The following FYB2 variants were observed in gnomAD, a reference collection of about 807,000 sequenced individuals.
The protein encoded by FYB2 is FYN-binding protein 2.
A neutral mutation model predicts 94.1 loss-of-function variants in FYB2; 103 were observed. The observed-to-expected ratio is 1.09, with a 90% CI of 0.93 to 1.29. The LOEUF (loss-of-function observed/expected upper bound fraction) is 1.29, where lower values mean the gene tolerates loss of function less well. Ranked by LOEUF, FYB2 falls within the 50% of genes most tolerant of loss-of-function variation. The pLI is 0.00. For missense variants in FYB2, 896 were observed against 841.5 expected (o/e 1.06, Z -0.80); for synonymous variants, 293 against 287.9 (o/e 1.02, Z -0.18).
chr1:56,802,385 T>C (rs1327144415), intron 1 of FYB2, among the ~76,000 whole-genome samples: 1 of 152,158 alleles, frequency 6.6e-6, no homozygotes, highest in East Asian at 1.9e-4. Context: ...TACCTAACCA[T>C]AAATACAGTG....
chr1:56,787,126 G>A (rs371798054), intron 4 of FYB2, 49 bp downstream of exon 4: 2 of 1,603,620 alleles, frequency 1.2e-6, no homozygotes, highest in Admixed American at 3.3e-5. Context: ...AGTCTAAGTA[G>A]CCTCTGTGGT....
intron 2 of FYB2, among the ~76,000 whole-genome samples, chr1:56,791,170 CATTCAACAA>C (rs1417553447): frequency 2.6e-5 from 4 of 152,018 alleles, no homozygotes; most frequent in Non-Finnish European, 5.9e-5. Context: ...TTTAATCAAT[CATTCAACAA>C]ATTTTTTTTT....
At chr1:56,736,871 C>A (rs1644841178) in intron 15 of FYB2, among the ~76,000 whole-genome samples, 1 of 152,030 alleles carries the variant, frequency 6.6e-6, no homozygotes, top group South Asian at 2.1e-4. Flanking sequence ...AAAACAGAAA[C>A]AAACTCAAAA....
chr1:56,787,485 C>A (rs536132799), intron 3 of FYB2, among the ~76,000 whole-genome samples: 1 of 152,356 alleles, frequency 6.6e-6, no homozygotes, highest in African/African-American at 2.4e-5. Flanking sequence ...TGGGGTTTAT[C>A]TCTTAATCTC....
At chr1:56,773,158 G>A (rs1363434804) in intron 4 of FYB2, among the ~76,000 whole-genome samples, 2 of 152,062 alleles carry the variant, frequency 1.3e-5, no homozygotes, top group East Asian at 1.9e-4. Context: ...AAAAATAAAT[G>A]TTTAAACAAA....
intron 15 of FYB2, among the ~76,000 whole-genome samples, chr1:56,734,096 C>A (rs1290114282): frequency 6.6e-6 from 1 of 152,028 alleles, no homozygotes; most frequent in African/African-American, 2.4e-5. Flanking sequence ...TCTGGGTGCT[C>A]CTGTATTGGG....
intron 7 of FYB2, 70 bp downstream of exon 7, chr1:56,755,826 G>A (rs1645315435): frequency 6.8e-7 from 1 of 1,461,766 alleles, no homozygotes; most frequent in Non-Finnish European, 9.5e-7. Flanking sequence ...GGCCCATAGA[G>A]GAAAACTAGT....
chr1:56,772,807 T>A (rs1325934791), intron 4 of FYB2, among the ~76,000 whole-genome samples: 2 of 152,178 alleles, frequency 1.3e-5, no homozygotes, highest in Non-Finnish European at 2.9e-5. Flanking sequence ...AATGAAATAT[T>A]TGCCCTCTGC....
chr1:56,728,681 C>T (rs1234925171), intron 15 of FYB2, among the ~76,000 whole-genome samples: 3 of 152,102 alleles, frequency 2.0e-5, no homozygotes, highest in Non-Finnish European at 4.4e-5. Context: ...CTTAAATTAT[C>T]ACCTTCTTGA....
intron 5 of FYB2, among the ~76,000 whole-genome samples, chr1:56,762,898 T>G (rs1012517932): frequency 8.4e-4 from 128 of 152,312 alleles, no homozygotes; most frequent in African/African-American, 2.9e-3. Context: ...CTTAATCAAG[T>G]TGAGGAAGAC....
chr1:56,805,873 C>T (rs1646634795), intron 1 of FYB2, among the ~76,000 whole-genome samples: 1 of 152,128 alleles, frequency 6.6e-6, no homozygotes, highest in South Asian at 2.1e-4. Flanking sequence ...TGAGGCCTCC[C>T]CAGCCATATG....
rs145047462 is a variant in FYB2 at position 56,818,159 on chromosome 1, A to G, written c.9+1123T>C. ...CCCGTCAAGGAGGAGTTTCTTAAAA[A>G]TTGCTAAGTGGTATGGTCGAGGTGG... On this transcript the variant is annotated intron_variant, in intron 1 of 19. Coordinates refer to ENST00000343433, the MANE Select transcript of FYB2 (RefSeq NM_001004303.5). 8.3e-3 allele frequency among the ~76,000 whole-genome samples: 1,268 copies of G among 152,250 alleles called. 5 individuals are homozygous for G. The highest frequency in any genetic ancestry group is 0.02 in the Middle Eastern group (6 of 294).
At chr1:56,737,940 G>A (rs1644866064) in intron 14 of FYB2, among the ~76,000 whole-genome samples, 1 of 151,978 alleles carries the variant, frequency 6.6e-6, no homozygotes, top group South Asian at 2.1e-4. Flanking sequence ...TTTTAGTTCA[G>A]CAAACTCATA....
At chr1:56,750,919 G>A in intron 9 of FYB2, 125 bp downstream of exon 9, 3 of 1,140,742 alleles carry the variant, frequency 2.6e-6, no homozygotes, top group Non-Finnish European at 3.7e-6. Flanking sequence ...TTCCTCACTA[G>A]GGCAAGTTGC....
At chr1:56,806,392 T>C (rs1316023078) in intron 1 of FYB2, among the ~76,000 whole-genome samples, 1 of 152,140 alleles carries the variant, frequency 6.6e-6, no homozygotes, top group African/African-American at 2.4e-5. Flanking sequence ...GTAGAGGAGA[T>C]GGCATTTCAA....
intron 11 of FYB2, 48 bp from the exon 12 acceptor site, chr1:56,742,269 T>G: frequency 4.3e-6 from 6 of 1,386,184 alleles, no homozygotes; most frequent in Non-Finnish European, 6.0e-6. Context: ...ATAGCAATAG[T>G]TCAGATTCAT....
At chr1:56,791,202 A>T (rs1033544352) in intron 2 of FYB2, among the ~76,000 whole-genome samples, 1 of 152,030 alleles carries the variant, frequency 6.6e-6, no homozygotes, top group African/African-American at 2.4e-5. Flanking sequence ...GACTTATTCA[A>T]TCTGGCGTTT....
chr1:56,811,809 T>C (rs1297761517), intron 1 of FYB2, among the ~76,000 whole-genome samples: 1 of 152,336 alleles, frequency 6.6e-6, no homozygotes, highest in East Asian at 1.9e-4. Flanking sequence ...CACTTTTGGA[T>C]GATTTTTTTA....
In FYB2 at chr1:56,721,358, G is replaced by A. The variant is rs553698069; in HGVS notation, c.1975-1029C>T. ...TCTATCTATAACTATTTATTATTAT[G>A]ATTAAGAGTGCCTCCTTCCACTCTT... On this transcript the variant is annotated intron_variant, in intron 17 of 19. Transcript: ENST00000343433. Among the ~76,000 whole-genome samples the A allele has an allele frequency of 2.6e-5, 4 of 152,022 alleles. 1 individual carries two copies. In the East Asian group the frequency reaches 7.7e-4, roughly 29 times the overall value.
Sources: gnomAD v4.1 joint callset for allele counts (sites outside exome capture counted in the v4.1 genomes callset) on GRCh38, gnomAD v4.1.1 for gene constraint, MANE v1.5 for transcripts, NCBI Gene and HGNC (gene_info 2026-07-23, HGNC 2026-07-21) for gene names.